The following FAM227B variants were observed in gnomAD, a reference collection of about 807,000 sequenced individuals.
FAM227B encodes protein FAM227B.
FAM227B carries 88 observed loss-of-function variants against 73.8 expected under a neutral mutation model. That is an observed-to-expected ratio of 1.19 (90% confidence interval 1.00 to 1.42). The LOEUF (loss-of-function observed/expected upper bound fraction) is 1.42, where lower values mean the gene tolerates loss of function less well. Ranked by LOEUF, FAM227B falls within the 40% of genes most tolerant of loss-of-function variation. The pLI is 0.00. For missense variants in FAM227B, 632 were observed against 590.9 expected (o/e 1.07, Z -0.72); for synonymous variants, 210 against 190.5 (o/e 1.10, Z -0.84).
Position 49,335,510 on chromosome 15 carries a change from T to A in FAM227B, c.1272-14A>T. 1 of 1,595,814 alleles carries A rather than the reference T, an allele frequency of 6.3e-7. No homozygotes were observed. The highest frequency in any genetic ancestry group is 8.6e-7 in the Non-Finnish European group (1 of 1,164,098). On this transcript the variant is annotated splice_polypyrimidine_tract_variant and intron_variant, in intron 13 of 15. Transcript: ENST00000299338. ...GGAGCAGGTAGTGTGCTAGGCTTAT[T>A]ATTAAGGAATGATTTTCAATTAGGA...
intron 11 of FAM227B, among the ~76,000 whole-genome samples, chr15:49,388,678 A>C (rs947136639): frequency 6.6e-6 from 1 of 151,942 alleles, no homozygotes; most frequent in Admixed American, 6.6e-5. Flanking sequence ...CAAAAGAAAT[A>C]ATTGACAGAG....
chr15:49,600,523 G>A (rs969313125), intron 3 of FAM227B, among the ~76,000 whole-genome samples: 67 of 151,240 alleles, frequency 4.4e-4, no homozygotes, highest in Non-Finnish European at 6.5e-4. Context: ...GTGTGGTGGT[G>A]TCTGCCTGTG....
At chr15:49,363,287 C>A (rs768935620) in intron 13 of FAM227B, among the ~76,000 whole-genome samples, 5 of 152,112 alleles carry the variant, frequency 3.3e-5, no homozygotes, top group African/African-American at 4.8e-5. Context: ...TTTGTGTCAT[C>A]TCTGATTTCT....
chr15:49,491,914 A>AACTG (rs1230602144), intron 11 of FAM227B, among the ~76,000 whole-genome samples: 2 of 151,874 alleles, frequency 1.3e-5, no homozygotes, highest in African/African-American at 4.8e-5. Flanking sequence ...AAGGAAATAG[A>AACTG]ACGTCAAAAA....
intron 13 of FAM227B, among the ~76,000 whole-genome samples, chr15:49,340,963 G>A (rs368548925): frequency 1.3e-5 from 2 of 152,186 alleles, no homozygotes; most frequent in African/African-American, 4.8e-5. Context: ...AAAGGGTCCA[G>A]TTCCAATCTT....
chr15:49,608,505 A>C (rs1421726376), intron 3 of FAM227B, among the ~76,000 whole-genome samples: 1 of 152,074 alleles, frequency 6.6e-6, no homozygotes, highest in Non-Finnish European at 1.5e-5. Context: ...GAAGGTAAGA[A>C]ATAAGAAGCA....
At chr15:49,555,938 G>C (rs2073623422) in intron 9 of FAM227B, among the ~76,000 whole-genome samples, 1 of 152,124 alleles carries the variant, frequency 6.6e-6, no homozygotes. Context: ...TCTACCACCT[G>C]TATCATTTTA....
At chr15:49,555,082 G>C (rs1224049009) in intron 9 of FAM227B, among the ~76,000 whole-genome samples, 1 of 152,078 alleles carries the variant, frequency 6.6e-6, no homozygotes, top group Non-Finnish European at 1.5e-5. Flanking sequence ...TTACATTCAA[G>C]GTTATTATCG....
At chr15:49,472,152 GA>G (rs1172165283) in intron 11 of FAM227B, among the ~76,000 whole-genome samples, 6 of 152,058 alleles carry the variant, frequency 3.9e-5, no homozygotes, top group African/African-American at 1.4e-4. Context: ...TACATTTTAT[GA>G]AGAACGCATT....
chr15:49,451,108 A>G (rs1336695598), intron 11 of FAM227B, among the ~76,000 whole-genome samples: 1 of 152,112 alleles, frequency 6.6e-6, no homozygotes, highest in Non-Finnish European at 1.5e-5. Context: ...GAAAAAGTAT[A>G]TCAAAAACCA....
intron 11 of FAM227B, among the ~76,000 whole-genome samples, chr15:49,373,408 C>G (rs2045967346): frequency 6.6e-6 from 1 of 151,898 alleles, no homozygotes; most frequent in African/African-American, 2.4e-5. Context: ...AGCTTTTTTT[C>G]CTCTAACCCA....
rs2037941874 is a variant in FAM227B, at chr15:49,328,618, A to ATGAT, written c.1473_1476dup (p.Ser493IlefsTer13). ...TAGTTGTCTGTTGATGATGGTGATG[A>ATGAT]TGATGATGATGACGATAGTGATGCC... On this transcript the variant is annotated frameshift_variant, in exon 16 of 16. Coordinates refer to ENST00000299338, the MANE Select transcript of FAM227B (RefSeq NM_152647.3). LOFTEE classifies it low-confidence loss of function (END_TRUNC). 6.3e-7 allele frequency: 1 copy of ATGAT among 1,587,862 alleles called. No homozygotes were observed. Among genetic ancestry groups the ATGAT allele is most frequent in the African/African-American group, 1.3e-5 (1 of 74,726 alleles).
chr15:49,491,202 C>T (rs2057058125), intron 11 of FAM227B, among the ~76,000 whole-genome samples: 1 of 151,902 alleles, frequency 6.6e-6, no homozygotes, highest in African/African-American at 2.4e-5. Context: ...AGCTTTATTA[C>T]TTCATGCCTA....
rs776003600 is a variant in FAM227B, at chr15:49,576,841, C to A, written c.446G>T (p.Cys149Phe). 1.1e-5 allele frequency: 18 copies of A among 1,603,868 alleles called. No homozygotes were observed. Among genetic ancestry groups the A allele is most frequent in the Non-Finnish European group, 1.5e-5 (18 of 1,171,910 alleles). ...EMETEKNIEG[C>F]SFTGFKANEL... ...ATTTGCTTTGAATCCTGTGAAGCTG[C>A]AACCCTAGAAAGAGGAAAATATAAC... Residue 149 changes from cysteine to phenylalanine, a missense_variant, in exon 7 of 16, where the codon TGC becomes TTC. Cys to Phe is a radical substitution (Grantham distance 205, BLOSUM62 -2). Transcript: ENST00000299338.
At chr15:49,583,951 C>T (rs186113244) in intron 5 of FAM227B, among the ~76,000 whole-genome samples, 2 of 152,240 alleles carry the variant, frequency 1.3e-5, no homozygotes, top group Admixed American at 6.5e-5. Context: ...GGGCTGGTAC[C>T]ATACCTGCTG....
At chr15:49,389,400 A>T (rs761731835) in intron 11 of FAM227B, among the ~76,000 whole-genome samples, 3 of 151,970 alleles carry the variant, frequency 2.0e-5, no homozygotes, top group African/African-American at 7.2e-5. Context: ...ACTGAAAACC[A>T]TATGTTCTCA....
intron 15 of FAM227B, chr15:49,329,749 T>A: frequency 3.1e-6 from 3 of 973,694 alleles, no homozygotes; most frequent in Non-Finnish European, 2.4e-6. Context: ...TACCGTGCCA[T>A]TTTCCACAAA....
chr15:49,372,757 C>T (rs1005214369), intron 11 of FAM227B, among the ~76,000 whole-genome samples: 1 of 152,116 alleles, frequency 6.6e-6, no homozygotes. Context: ...GACTCTGGCA[C>T]TGATTATCAG....
chr15:49,592,524 C>G (rs958840743), intron 3 of FAM227B, among the ~76,000 whole-genome samples: 2 of 152,202 alleles, frequency 1.3e-5, no homozygotes, highest in African/African-American at 4.8e-5. Flanking sequence ...TATTGAAGAA[C>G]AGAAAATATT....
Sources: gnomAD v4.1 joint callset for allele counts (sites outside exome capture counted in the v4.1 genomes callset) on GRCh38, gnomAD v4.1.1 for gene constraint, MANE v1.5 for transcripts, NCBI Gene and HGNC (gene_info 2026-07-23, HGNC 2026-07-21) for gene names.